The following AGBL1 variants were observed in gnomAD, a reference collection of about 807,000 sequenced individuals.
AGBL1 encodes the protein cytosolic carboxypeptidase 4.
A neutral mutation model predicts 118.9 loss-of-function variants in AGBL1; 130 were observed. The observed-to-expected ratio is 1.09, with a 90% CI of 0.95 to 1.26. The LOEUF is 1.26. AGBL1 is among the 50% of genes most tolerant of loss of function. The pLI, the probability that AGBL1 is intolerant of heterozygous loss-of-function variation, is 0.00. For missense variants in AGBL1, 1,584 were observed against 1,298.1 expected (o/e 1.22, Z -3.38); for synonymous variants, 555 against 478.9 (o/e 1.16, Z -2.08).
intron 22 of AGBL1, among the ~76,000 whole-genome samples, chr15:86,798,799 G>C (rs1339802928): frequency 6.7e-6 from 1 of 150,256 alleles, no homozygotes; most frequent in Non-Finnish European, 1.5e-5. Context: ...AGAAACCATA[G>C]TCAGGAGACA....
chr15:86,749,209 T>C (rs1247957855), intron 22 of AGBL1, among the ~76,000 whole-genome samples: 1 of 152,202 alleles, frequency 6.6e-6, no homozygotes, highest in Non-Finnish European at 1.5e-5. Flanking sequence ...GTAGTTCTCC[T>C]TGAAGAGGTC....
intron 22 of AGBL1, among the ~76,000 whole-genome samples, chr15:86,840,560 C>A (rs1188072382): frequency 6.6e-6 from 1 of 152,130 alleles, no homozygotes; most frequent in Non-Finnish European, 1.5e-5. Context: ...ATTTCTCCTG[C>A]CTCACCTCCC....
At chr15:87,023,282 A>G (rs2081687964) in intron 24 of AGBL1, among the ~76,000 whole-genome samples, 1 of 152,094 alleles carries the variant, frequency 6.6e-6, no homozygotes, top group African/African-American at 2.4e-5. Flanking sequence ...AAAGGGGTGA[A>G]AAAAGAGACA....
chr15:86,959,554 A>T (rs900762430), intron 23 of AGBL1, among the ~76,000 whole-genome samples: 1 of 119,566 alleles, frequency 8.4e-6, no homozygotes, highest in African/African-American at 4.1e-5. Context: ...ACAAACACCC[A>T]AAGTCTTCTT....
chr15:86,093,860 T>TGA (rs948867368), intron 1 of AGBL1, among the ~76,000 whole-genome samples: 2 of 152,182 alleles, frequency 1.3e-5, no homozygotes, highest in East Asian at 1.9e-4. Flanking sequence ...AAAGAGACAA[T>TGA]GAGAGAGAGC....
At chr15:86,180,088 A>G (rs1402888796) in intron 5 of AGBL1, among the ~76,000 whole-genome samples, 1 of 152,134 alleles carries the variant, frequency 6.6e-6, no homozygotes, top group Non-Finnish European at 1.5e-5. Context: ...ATGGTTCAGA[A>G]GACTTAATAT....
At chr15:86,777,357 C>G (rs772932101) in intron 22 of AGBL1, among the ~76,000 whole-genome samples, 5 of 151,782 alleles carry the variant, frequency 3.3e-5, no homozygotes, top group Non-Finnish European at 5.9e-5. Flanking sequence ...AAAAATATTA[C>G]TCATATAAAT....
At chr15:86,666,966 C>G (rs954561981) in intron 21 of AGBL1, among the ~76,000 whole-genome samples, 3 of 152,050 alleles carry the variant, frequency 2.0e-5, no homozygotes, top group African/African-American at 7.2e-5. Context: ...ACAGAGAATC[C>G]TGGTGGGCTC....
intron 6 of AGBL1, among the ~76,000 whole-genome samples, chr15:86,234,612 C>T (rs1422656174): frequency 1.3e-5 from 2 of 150,210 alleles, no homozygotes; most frequent in Non-Finnish European, 3.0e-5. Context: ...GCTCAGTGGT[C>T]ACTGTGCAGG....
chr15:86,174,928 G>T (rs144449586), intron 5 of AGBL1, among the ~76,000 whole-genome samples: 1 of 151,888 alleles, frequency 6.6e-6, no homozygotes, highest in African/African-American at 2.4e-5. Context: ...GAGGACTTTT[G>T]CATCTATGTT....
chr15:86,215,539 C>T (rs1442286197), intron 5 of AGBL1, among the ~76,000 whole-genome samples: 1 of 152,086 alleles, frequency 6.6e-6, no homozygotes. Flanking sequence ...TGCCAGTGCT[C>T]AATGTGGTGT....
At chr15:86,439,911 C>A (rs1241632588) in intron 18 of AGBL1, among the ~76,000 whole-genome samples, 1 of 152,154 alleles carries the variant, frequency 6.6e-6, no homozygotes, top group African/African-American at 2.4e-5. Context: ...CACACGGCCC[C>A]AGTGAGAACG....
chr15:86,095,283 C>G, intron 1 of AGBL1, among the ~76,000 whole-genome samples: 1 of 152,074 alleles, frequency 6.6e-6, no homozygotes, highest in Admixed American at 6.6e-5. Context: ...GACTCATTGG[C>G]CTTTGGCAGT....
At chr15:86,478,601 G>A (rs1456309726) in intron 18 of AGBL1, among the ~76,000 whole-genome samples, 1 of 152,040 alleles carries the variant, frequency 6.6e-6, no homozygotes, top group Non-Finnish European at 1.5e-5. Flanking sequence ...ACAAATGGAA[G>A]AACATTCCAT....
intron 18 of AGBL1, among the ~76,000 whole-genome samples, chr15:86,470,529 G>C (rs928533334): frequency 6.6e-6 from 1 of 152,108 alleles, no homozygotes; most frequent in African/African-American, 2.4e-5. Context: ...AGTGTCTTTT[G>C]TGGTTCCATA....
chr15:86,875,311 C>G (rs534438412), intron 22 of AGBL1, among the ~76,000 whole-genome samples: 1 of 152,308 alleles, frequency 6.6e-6, no homozygotes, highest in East Asian at 1.9e-4. Flanking sequence ...GGGACAAGCC[C>G]AGAGCCAGAT....
At chr15:86,403,224 A>G (rs8037035) in intron 18 of AGBL1, among the ~76,000 whole-genome samples, 102,427 of 151,950 alleles carry the variant, frequency 0.67, 36,756 homozygotes, top group African/African-American at 0.92. Flanking sequence ...GGGTGGTAGT[A>G]ACAAAATAAT....
intron 3 of AGBL1, among the ~76,000 whole-genome samples, chr15:86,147,147 C>T (rs2077043213): frequency 6.6e-6 from 1 of 152,080 alleles, no homozygotes; most frequent in Non-Finnish European, 1.5e-5. Context: ...GGGGGCATTC[C>T]AAGATGGCCC....
At chr15:86,998,900 A>G (rs186499628) in intron 24 of AGBL1, among the ~76,000 whole-genome samples, 1 of 151,286 alleles carries the variant, frequency 6.6e-6, no homozygotes, top group Non-Finnish European at 1.5e-5. Context: ...TCTAGGGTAC[A>G]TGTGCACAAC....
Sources: gnomAD v4.1 joint callset for allele counts (sites outside exome capture counted in the v4.1 genomes callset) on GRCh38, gnomAD v4.1.1 for gene constraint, MANE v1.5 for transcripts, NCBI Gene and HGNC (gene_info 2026-07-23, HGNC 2026-07-21) for gene names.